Variants in CSTF3 observed in about 807,000 individuals in gnomAD.
CSTF3 encodes CF-1 77 kDa subunit.
In CSTF3, 29 loss-of-function variants were observed where a neutral mutation model predicts 105.8. The ratio of observed to expected loss-of-function variants is 0.27; its 90% CI spans 0.20 to 0.37. CSTF3 has a LOEUF of 0.37. CSTF3 is among the 10% of genes least tolerant of loss of function. CSTF3 has a pLI of 1.00. For synonymous variants in CSTF3, 252 were observed against 281.9 expected, an observed-to-expected ratio of 0.89 and a Z score of 1.06; for missense variants, 357 against 879.3, an observed-to-expected ratio of 0.41 and a Z score of 7.51.
chr11:33,107,883 A>G lies in CSTF3; in HGVS notation c.356+20T>C. 1 of 1,462,532 alleles carries G rather than the reference A, an allele frequency of 6.8e-7. No individual in the cohort carries two copies. The highest frequency in any genetic ancestry group is 9.5e-7 in the Non-Finnish European group (1 of 1,048,342). 90.6% of individuals were successfully genotyped at this position (1,462,532 alleles called of 1,614,324 possible). A position where few individuals can be genotyped will look rare whatever the true frequency, so the allele number is the denominator to read the frequency against. ...GTGCCTGGAGATGACTTGCATTCTT[A>G]AGATCCTGGTTTCACTTACTTGTAA... On this transcript the variant is annotated intron_variant, in intron 5 of 20. Coordinates refer to ENST00000323959, the MANE Select transcript of CSTF3 (RefSeq NM_001326.3).
At chr11:33,088,468 C>A (rs1463785535) in intron 17 of CSTF3, among the ~76,000 whole-genome samples, 1 of 151,892 alleles carries the variant, frequency 6.6e-6, no homozygotes, top group Non-Finnish European at 1.5e-5. Context: ...TTAGTAGAGA[C>A]GGGGTTTCAC....
intron 3 of CSTF3, among the ~76,000 whole-genome samples, chr11:33,129,207 T>C (rs1855573771): frequency 6.6e-6 from 1 of 152,152 alleles, no homozygotes; most frequent in African/African-American, 2.4e-5. Flanking sequence ...TTCTCCTGCC[T>C]CAGCTTCCCA....
intron 1 of CSTF3, among the ~76,000 whole-genome samples, chr11:33,152,486 G>C (rs1029480829): frequency 1.3e-5 from 2 of 152,018 alleles, no homozygotes; most frequent in African/African-American, 4.8e-5. Context: ...TATCAGACAT[G>C]ATTTACAAAA....
chr11:33,126,409 G>A (rs450846), intron 3 of CSTF3, among the ~76,000 whole-genome samples: 2 of 151,544 alleles, frequency 1.3e-5, no homozygotes, highest in East Asian at 1.9e-4. Flanking sequence ...GAGTTCAAGC[G>A]ACCGCACTCC....
intron 3 of CSTF3, among the ~76,000 whole-genome samples, chr11:33,122,186 GTATT>G (rs1403936966): frequency 6.6e-6 from 1 of 152,116 alleles, no homozygotes; most frequent in Non-Finnish European, 1.5e-5. Flanking sequence ...ATTCTATAAA[GTATT>G]TAATTAGCTC....
intron 1 of CSTF3, among the ~76,000 whole-genome samples, chr11:33,159,190 G>A (rs946670000): frequency 2.0e-5 from 3 of 152,054 alleles, no homozygotes; most frequent in Non-Finnish European, 2.9e-5. Context: ...GTGGTGGCTC[G>A]TGCCTGTCTG....
intron 1 of CSTF3, among the ~76,000 whole-genome samples, chr11:33,142,208 TACTC>T (rs988983566): frequency 5.2e-4 from 79 of 151,940 alleles, no homozygotes; most frequent in African/African-American, 1.8e-3. Flanking sequence ...GGATTGAAAA[TACTC>T]AGAGAGAAAA....
chr11:33,142,021 T>A, intron 1 of CSTF3, 35 bp from the exon 2 acceptor site: 7 of 1,612,864 alleles, frequency 4.3e-6, no homozygotes, highest in Non-Finnish European at 5.9e-6. Flanking sequence ...CTAAAGTTAC[T>A]GTTTTAAAAA....
chr11:33,119,472 A>G (rs1055165700), intron 3 of CSTF3, among the ~76,000 whole-genome samples: 3 of 151,648 alleles, frequency 2.0e-5, no homozygotes, highest in Non-Finnish European at 4.4e-5. Flanking sequence ...TTTCTTAAAA[A>G]TCACTTTCCA....
intron 1 of CSTF3, among the ~76,000 whole-genome samples, chr11:33,146,342 TATA>T (rs886862245): frequency 1.3e-5 from 2 of 152,090 alleles, no homozygotes; most frequent in South Asian, 2.1e-4. Context: ...CACAAAGATA[TATA>T]ATGAGTCAGC....
rs771934393 is a variant in CSTF3 at position 33,099,592 on chromosome 11, G to A, written c.936+16C>T. ...CCACAAAAATATCAAAGTGGGGATAGGGAAGGAACACTTACTCCCTTTTCT... is the reference window on the plus strand; with the variant it reads ...CCACAAAAATATCAAAGTGGGGATAAGGAAGGAACACTTACTCCCTTTTCT... On this transcript the variant is annotated intron_variant, in intron 11 of 20. Transcript: ENST00000323959. The surrounding 1 kb of genome is among the most constrained non-coding windows in gnomAD (Gnocchi z 4.1). 40 of 1,509,812 alleles carry A rather than the reference G, an allele frequency of 2.6e-5. No individual in the cohort carries two copies. The highest frequency in any genetic ancestry group is 2.8e-5 in the Non-Finnish European group (31 of 1,097,140). 93.5% of individuals were successfully genotyped at this position (1,509,812 alleles called of 1,614,324 possible). A position where few individuals can be genotyped will look rare whatever the true frequency, so the allele number is the denominator to read the frequency against.
chr11:33,098,030 G>C (rs2133773425), intron 13 of CSTF3, among the ~76,000 whole-genome samples: 1 of 152,294 alleles, frequency 6.6e-6, no homozygotes, highest in Admixed American at 6.5e-5. Flanking sequence ...TTTGTGGAAT[G>C]AATTATAAGA....
chr11:33,154,325 G>A (rs1590290498), intron 1 of CSTF3, among the ~76,000 whole-genome samples: 1 of 151,826 alleles, frequency 6.6e-6, no homozygotes, highest in South Asian at 2.1e-4. Flanking sequence ...CAAATGTCAC[G>A]TTTCATTAAA....
chr11:33,090,908 C>T (rs1466210234), intron 16 of CSTF3, among the ~76,000 whole-genome samples, 181 bp from the exon 17 acceptor site: 1 of 152,104 alleles, frequency 6.6e-6, no homozygotes, highest in Non-Finnish European at 1.5e-5. Context: ...TATACCACTA[C>T]CTATATTGCT....
At chr11:33,134,315 T>C (rs1170382036) in intron 3 of CSTF3, 3 of 152,216 alleles carry the variant, frequency 2.0e-5, no homozygotes, top group East Asian at 1.9e-4. Flanking sequence ...TCTGCCGTGA[T>C]TGGATCTTCA....
intron 1 of CSTF3, among the ~76,000 whole-genome samples, chr11:33,160,004 G>A (rs908467072): frequency 4.6e-5 from 7 of 151,860 alleles, no homozygotes; most frequent in Non-Finnish European, 8.8e-5. Flanking sequence ...TAACATTTCC[G>A]TGTCTTTGTA....
intron 1 of CSTF3, among the ~76,000 whole-genome samples, chr11:33,156,504 A>G (rs1782185599): frequency 6.6e-6 from 1 of 152,200 alleles, no homozygotes; most frequent in Admixed American, 6.5e-5. Context: ...TATTTTCTAA[A>G]TCTTCCCAAA....
chr11:33,115,540 CA>C (rs1221992877), intron 3 of CSTF3, among the ~76,000 whole-genome samples: 2 of 152,108 alleles, frequency 1.3e-5, no homozygotes, highest in African/African-American at 2.4e-5. Flanking sequence ...GTAGTGTCTG[CA>C]AATAAATTCA....
chr11:33,088,989 A>G (rs867406391), intron 17 of CSTF3, among the ~76,000 whole-genome samples: 1 of 152,184 alleles, frequency 6.6e-6, no homozygotes, highest in Non-Finnish European at 1.5e-5. Flanking sequence ...TTTTCTAGCA[A>G]TTGCACAAAG....
Sources: gnomAD v4.1 joint callset for allele counts (sites outside exome capture counted in the v4.1 genomes callset) on GRCh38, gnomAD v4.1.1 for gene constraint, Gnocchi (gnomAD v3.1) non-coding constraint, MANE v1.5 for transcripts, NCBI Gene and HGNC (gene_info 2026-07-23, HGNC 2026-07-21) for gene names.